HOMER1: variants seen among roughly 807,000 people sequenced by gnomAD.
The protein encoded by HOMER1 is homer scaffold protein 1.
HOMER1 carries 3 observed loss-of-function variants against 48.9 expected under a neutral mutation model. That is an observed-to-expected ratio of 0.06 (90% CI 0.03 to 0.16). The LOEUF is 0.16. Among genes scored for constraint, HOMER1 ranks in the 10% least tolerant of loss-of-function variants. The pLI, the probability that HOMER1 is intolerant of heterozygous loss-of-function variation, is 1.00. For missense variants in HOMER1, 247 were observed against 411.4 expected, an observed-to-expected ratio of 0.60 and a Z score of 3.46; for synonymous variants, 134 against 146.4, an observed-to-expected ratio of 0.92 and a Z score of 0.61.
intron 8 of HOMER1, among the ~76,000 whole-genome samples, chr5:79,382,914 A>G (rs1749018922): frequency 1.3e-5 from 2 of 152,240 alleles, no homozygotes; most frequent in Admixed American, 1.3e-4. Context: ...AATGGATTAC[A>G]TTCTCCACTT....
intron 1 of HOMER1, among the ~76,000 whole-genome samples, chr5:79,465,834 C>T (rs1351451124): frequency 1.3e-5 from 2 of 151,940 alleles, no homozygotes; most frequent in Non-Finnish European, 2.9e-5. Context: ...TCCTCGTGAT[C>T]CGCCGGCCTC....
intron 5 of HOMER1, among the ~76,000 whole-genome samples, chr5:79,429,831 G>T (rs2112261494): frequency 6.6e-6 from 1 of 152,230 alleles, no homozygotes; most frequent in African/African-American, 2.4e-5. Context: ...AAACCATCCT[G>T]GCTAACACGG....
chr5:79,437,480 C>T (rs768671373), intron 5 of HOMER1, among the ~76,000 whole-genome samples: 9 of 152,128 alleles, frequency 5.9e-5, no homozygotes, highest in Non-Finnish European at 1.2e-4. Flanking sequence ...ATAGAAACAA[C>T]TAAAATTTTT....
rs959506756 is a variant in HOMER1, at chr5:79,372,867, T to G, written c.*3142A>C. On this transcript the variant is annotated 3_prime_UTR_variant, in exon 9 of 9. Coordinates refer to ENST00000334082, the MANE Select transcript of HOMER1 (RefSeq NM_004272.5). ...TTTAAAGGTAGTGGTGGTGTTGGCT[T>G]AATTTTGAGTGTTCCTTTTATTTCC... 1.3e-5 allele frequency: 2 copies of G among 152,130 alleles called. No homozygotes were observed. The highest frequency in any genetic ancestry group is 2.9e-5 in the Non-Finnish European group (2 of 68,010). 9.4% of individuals were successfully genotyped at this position (152,130 alleles called of 1,614,324 possible). A position where few individuals can be genotyped will look rare whatever the true frequency, so the allele number is the denominator to read the frequency against.
chr5:79,442,835 G>A (rs575179303), intron 4 of HOMER1, among the ~76,000 whole-genome samples: 1 of 152,322 alleles, frequency 6.6e-6, no homozygotes, highest in African/African-American at 2.4e-5. Flanking sequence ...ATACATAAAG[G>A]AAGATGAGGT....
At chr5:79,428,686 A>C (rs1335856768) in intron 5 of HOMER1, among the ~76,000 whole-genome samples, 1 of 152,190 alleles carries the variant, frequency 6.6e-6, no homozygotes, top group East Asian at 1.9e-4. Flanking sequence ...TTCATTTATA[A>C]TAGCACCAAA....
chr5:79,379,446 T>C (rs1403062185), intron 8 of HOMER1, among the ~76,000 whole-genome samples: 11 of 112,110 alleles, frequency 9.8e-5, no homozygotes, highest in Non-Finnish European at 1.4e-4. Flanking sequence ...ATTATATATT[T>C]ATATAATATA....
intron 8 of HOMER1, among the ~76,000 whole-genome samples, chr5:79,378,222 C>CAAAAAAAAAAAAAAAAAAAAAAAAAA (rs58802660): frequency 2.3e-5 from 2 of 85,580 alleles, no homozygotes; most frequent in African/African-American, 7.7e-5. Flanking sequence ...GACTCTGTCT[C>CAAAAAAAAAAAAAAAAAAAAAAAAAA]AAAAAAAAAA....
intron 1 of HOMER1, among the ~76,000 whole-genome samples, chr5:79,475,437 T>TC (rs1314498718): frequency 6.6e-6 from 1 of 151,610 alleles, no homozygotes; most frequent in Non-Finnish European, 1.5e-5. Flanking sequence ...ACTTTTTTTT[T>TC]TTTTTTTTTT....
chr5:79,378,222 C>CAAAAAAAAAAAAAA (rs58802660), intron 8 of HOMER1, among the ~76,000 whole-genome samples: 7 of 85,578 alleles, frequency 8.2e-5, no homozygotes, highest in African/African-American at 2.7e-4. Context: ...GACTCTGTCT[C>CAAAAAAAAAAAAAA]AAAAAAAAAA....
intron 1 of HOMER1, among the ~76,000 whole-genome samples, chr5:79,505,344 A>G (rs142857289): frequency 0.01 from 1,558 of 152,322 alleles, 25 homozygotes; most frequent in African/African-American, 0.036. Context: ...TCTCCTCTAC[A>G]GGCCTCTGGA....
chr5:79,490,151 C>T (rs1319165618), intron 1 of HOMER1, among the ~76,000 whole-genome samples: 1 of 152,202 alleles, frequency 6.6e-6, no homozygotes, highest in Non-Finnish European at 1.5e-5. Flanking sequence ...GCCAGGCACA[C>T]AGTAATTACT....
intron 1 of HOMER1, among the ~76,000 whole-genome samples, chr5:79,459,079 ATTCTT>A (rs1423783350): frequency 7.5e-4 from 114 of 152,336 alleles, no homozygotes; most frequent in African/African-American, 2.7e-3. Context: ...GTAAGACACT[ATTCTT>A]TACTAACTCG....
intron 1 of HOMER1, among the ~76,000 whole-genome samples, chr5:79,478,887 G>A (rs1006587669): frequency 6.6e-6 from 1 of 152,232 alleles, no homozygotes; most frequent in Non-Finnish European, 1.5e-5. Flanking sequence ...AGGAGGTGGA[G>A]GTTGCAGTGA....
At chr5:79,428,694 A>C (rs1561360167) in intron 5 of HOMER1, among the ~76,000 whole-genome samples, 1 of 152,192 alleles carries the variant, frequency 6.6e-6, no homozygotes, top group Non-Finnish European at 1.5e-5. Flanking sequence ...TAATAGCACC[A>C]AAAAGAATAA....
rs1748746573 is a variant in HOMER1 at position 79,375,503 on chromosome 5, A to G, written c.*506T>C. The stretch of plus-strand genomic sequence containing the variant: ...TCACTCCTGGCAAGAATTAATTGGT[A>G]ATGGCACTGCTTCTCAGCAGTGCAA... On this transcript the variant is annotated 3_prime_UTR_variant, in exon 9 of 9. Transcript: ENST00000334082. The G allele has an allele frequency of 6.6e-6, 1 of 152,156 alleles. No homozygotes were observed. Among genetic ancestry groups the G allele is most frequent in the Non-Finnish European group, 1.5e-5 (1 of 67,994 alleles). 9.4% of individuals were successfully genotyped at this position (152,156 alleles called of 1,614,324 possible). A position where few individuals can be genotyped will look rare whatever the true frequency, so the allele number is the denominator to read the frequency against.
rs376139360 is a variant in HOMER1, at chr5:79,404,425, A to G, written c.528-2370T>C. ...AATTATCTGGGTAACCTCGGACCCA[A>G]CACTCAAGCACTTTGGTTCTCAGTT... On this transcript the variant is annotated intron_variant, in intron 5 of 8. Transcript: ENST00000334082. Among the ~76,000 whole-genome samples, 20 of 152,356 alleles carry G rather than the reference A, an allele frequency of 1.3e-4. 1 individual carries two copies. The highest frequency in any genetic ancestry group is 5.9e-4 in the Admixed American group (9 of 15,304).
chr5:79,377,993 G>A (rs1429665151), intron 8 of HOMER1, among the ~76,000 whole-genome samples: 1 of 152,258 alleles, frequency 6.6e-6, no homozygotes, highest in African/African-American at 2.4e-5. Flanking sequence ...CTGGGAGGCT[G>A]AATCACCTGA....
rs572758531 is a variant in HOMER1, at chr5:79,393,832, T to C, written c.876+2991A>G. Among the ~76,000 whole-genome samples the C allele has an allele frequency of 1.4e-4, 21 of 152,326 alleles. No homozygotes were observed. The South Asian group carries it at 4.3e-3, about 32-fold the overall frequency. On this transcript the variant is annotated intron_variant, in intron 8 of 8. Transcript: ENST00000334082. Reference sequence around the variant, plus strand: ...GATACCTCTATATGGGAGAATTCTATGCAGCCATTGGGCTTATGACATAAA... The same window carrying C: ...GATACCTCTATATGGGAGAATTCTACGCAGCCATTGGGCTTATGACATAAA...
Sources: allele counts gnomAD v4.1 joint callset (sites outside exome capture counted in the v4.1 genomes callset), GRCh38; gene constraint gnomAD v4.1.1; transcripts MANE v1.5; gene names NCBI Gene and HGNC (gene_info 2026-07-23, HGNC 2026-07-21).